GPM6A: variants seen among roughly 807,000 people sequenced by gnomAD.
GPM6A encodes neuronal membrane glycoprotein M6-a.
In GPM6A, 7 loss-of-function variants were observed where a neutral mutation model predicts 32.1. The observed-to-expected ratio is 0.22, with a 90% CI of 0.12 to 0.41. GPM6A has a LOEUF of 0.41. Ranked by LOEUF, GPM6A falls within the 10% of genes least tolerant of loss-of-function variation. The pLI is 1.00. For synonymous variants in GPM6A, 130 were observed against 123.4 expected, an observed-to-expected ratio of 1.05 and a Z score of -0.35; for missense variants, 235 against 347.2, an observed-to-expected ratio of 0.68 and a Z score of 2.57.
intron 1 of GPM6A, among the ~76,000 whole-genome samples, chr4:175,768,838 G>A (rs1488023926): frequency 6.6e-6 from 1 of 152,150 alleles, no homozygotes; most frequent in Non-Finnish European, 1.5e-5. Flanking sequence ...GCTCACATCT[G>A]TAATCTCAGC....
intron 1 of GPM6A, among the ~76,000 whole-genome samples, chr4:175,902,806 C>T (rs1004670260): frequency 1.3e-5 from 2 of 152,018 alleles, no homozygotes; most frequent in Non-Finnish European, 2.9e-5. Context: ...CTGCTCTTAA[C>T]GTCACGCTGG....
At chr4:175,669,047 T>C (rs1742907006) in intron 3 of GPM6A, among the ~76,000 whole-genome samples, 1 of 152,174 alleles carries the variant, frequency 6.6e-6, no homozygotes, top group Non-Finnish European at 1.5e-5. Flanking sequence ...ATCTCTGAAA[T>C]GAGGATAATT....
intron 2 of GPM6A, among the ~76,000 whole-genome samples, chr4:175,674,138 A>T (rs1743234002): frequency 6.6e-6 from 1 of 152,166 alleles, no homozygotes; most frequent in Non-Finnish European, 1.5e-5. Flanking sequence ...TAAGCAATAA[A>T]TTATACTTCT....
At chr4:175,822,053 ATC>A (rs1467721531) in intron 1 of GPM6A, among the ~76,000 whole-genome samples, 1 of 152,114 alleles carries the variant, frequency 6.6e-6, no homozygotes, top group Admixed American at 6.5e-5. Context: ...GACATTTTTT[ATC>A]TGTTTAAATA....
intron 1 of GPM6A, among the ~76,000 whole-genome samples, chr4:175,923,115 A>G (rs1387204379): frequency 6.6e-6 from 1 of 151,466 alleles, no homozygotes; most frequent in Non-Finnish European, 1.5e-5. Context: ...CTTTTTCTAG[A>G]AAATATAAAT....
rs143061410 is a variant in GPM6A, at chr4:175,761,276, T to C, written c.37+50915A>G. On this transcript the variant is annotated intron_variant, in intron 1 of 6. Transcript: ENST00000393658. Reference sequence around the variant, plus strand: ...TGTCTGCCTGTTTTTGTATTTTTAGTAGAGACAGGGTTTCACCATGTTGGC... The same window carrying C: ...TGTCTGCCTGTTTTTGTATTTTTAGCAGAGACAGGGTTTCACCATGTTGGC... Among the ~76,000 whole-genome samples the C allele has an allele frequency of 9.5e-3, 1,454 of 152,322 alleles. 21 individuals carry two copies. Among genetic ancestry groups the C allele is most frequent in the South Asian group, 0.036 (173 of 4,828 alleles).
chr4:175,975,374 G>A (rs1238763748), intron 1 of GPM6A, among the ~76,000 whole-genome samples: 1 of 152,190 alleles, frequency 6.6e-6, no homozygotes, highest in Non-Finnish European at 1.5e-5. Flanking sequence ...TACCTGAGTT[G>A]CAGTTGTCTA....
At chr4:175,679,175 C>T (rs1459062862) in intron 2 of GPM6A, among the ~76,000 whole-genome samples, 1 of 152,110 alleles carries the variant, frequency 6.6e-6, no homozygotes, top group Non-Finnish European at 1.5e-5. Flanking sequence ...ATCTGGAACA[C>T]TTCCACTGTC....
At position 175,701,594 on chromosome 4, in the gene GPM6A, T is replaced by A. The variant is rs370813625; in HGVS notation, c.211A>T (p.Thr71Ser). ...ACTTACATGGTAAAAACATCCAGTG[T>A]GTCTCCAGCAGTTCTTGCCATCTCA... ...YFEMARTAGD[T>S]LDVFTMIDIF... The change falls in exon 2 of 7, where the codon ACA becomes TCA. Residue 71 changes from threonine (T) to serine (S), a missense_variant. Coordinates refer to ENST00000393658, the MANE Select transcript of GPM6A (RefSeq NM_201591.3). 1.9e-6 allele frequency: 3 copies of A among 1,613,410 alleles called. No homozygotes were observed. Among genetic ancestry groups the A allele is most frequent in the Middle Eastern group, 1.7e-4 (1 of 6,056 alleles).
chr4:175,801,668 C>G (rs1734477076), intron 1 of GPM6A, among the ~76,000 whole-genome samples: 1 of 151,934 alleles, frequency 6.6e-6, no homozygotes, highest in Non-Finnish European at 1.5e-5. Context: ...ACTTTAAAGA[C>G]TATGGAATGC....
chr4:175,856,418 G>T (rs1210750745), intron 1 of GPM6A, among the ~76,000 whole-genome samples: 1 of 152,196 alleles, frequency 6.6e-6, no homozygotes, highest in Non-Finnish European at 1.5e-5. Flanking sequence ...TTGGGCACCA[G>T]CAGGAAAGAA....
At chr4:175,727,183 A>C (rs2052885481) in intron 1 of GPM6A, among the ~76,000 whole-genome samples, 1 of 152,210 alleles carries the variant, frequency 6.6e-6, no homozygotes, top group Non-Finnish European at 1.5e-5. Flanking sequence ...GGTATTACCA[A>C]AAGATAACAT....
chr4:175,786,179 G>T (rs1282893502), intron 1 of GPM6A, among the ~76,000 whole-genome samples: 1 of 152,054 alleles, frequency 6.6e-6, no homozygotes, highest in Non-Finnish European at 1.5e-5. Context: ...GAGACACCAT[G>T]AGGAGAAATT....
At position 175,981,290 on chromosome 4, in the gene GPM6A, C is replaced by T. The variant is rs189357899; in HGVS notation, c.-23+21019G>A. 7.9e-5 allele frequency among the ~76,000 whole-genome samples: 12 copies of T among 152,258 alleles called. No individual in the cohort carries two copies. The East Asian group carries it at 2.3e-3, about 29-fold the overall frequency. ...GATATAACTTGTTGCACAGAAAACT[C>T]ATCCTTTTTAGAATAAAATTCTAAA... On this transcript the variant is annotated intron_variant, in intron 1 of 7. Coordinates refer to the GPM6A transcript ENST00000280187.
chr4:175,843,363 A>T (rs1244515900), intron 1 of GPM6A, among the ~76,000 whole-genome samples: 1 of 152,184 alleles, frequency 6.6e-6, no homozygotes, highest in African/African-American at 2.4e-5. Flanking sequence ...GCTAAATGTA[A>T]ATCTACTGAA....
At chr4:175,915,903 T>G (rs2111517001) in intron 1 of GPM6A, among the ~76,000 whole-genome samples, 1 of 152,338 alleles carries the variant, frequency 6.6e-6, no homozygotes, top group South Asian at 2.1e-4. Flanking sequence ...CATGTGGACC[T>G]TACATTTGTC....
intron 1 of GPM6A, among the ~76,000 whole-genome samples, chr4:175,730,392 G>C (rs1731366813): frequency 6.6e-6 from 1 of 151,492 alleles, no homozygotes; most frequent in Non-Finnish European, 1.5e-5. Context: ...ACAGGCATGT[G>C]TCACCACGCC....
At chr4:175,931,155 TATTTC>T (rs1226318172) in intron 1 of GPM6A, among the ~76,000 whole-genome samples, 1 of 152,162 alleles carries the variant, frequency 6.6e-6, no homozygotes, top group African/African-American at 2.4e-5. Context: ...TCTAAGAACT[TATTTC>T]TCATATCTCA....
At chr4:175,872,056 T>C (rs983511239) in intron 1 of GPM6A, among the ~76,000 whole-genome samples, 1 of 152,196 alleles carries the variant, frequency 6.6e-6, no homozygotes, top group Non-Finnish European at 1.5e-5. Flanking sequence ...ACCTCAGAGA[T>C]TCCACATATT....
Sources: allele counts gnomAD v4.1 joint callset (sites outside exome capture counted in the v4.1 genomes callset), GRCh38; gene constraint gnomAD v4.1.1; transcripts MANE v1.5; gene names NCBI Gene and HGNC (gene_info 2026-07-23, HGNC 2026-07-21).